MIB1: variants seen among roughly 807,000 people sequenced by gnomAD.
The protein encoded by MIB1 is MIB E3 ubiquitin protein ligase 1.
A neutral mutation model predicts 124.5 loss-of-function variants in MIB1; 278 were observed. The observed-to-expected ratio is 2.23, with a 90% CI of 2.02 to 2.47. The LOEUF is 2.47. Among genes scored for constraint, MIB1 ranks in the 30% most tolerant of loss-of-function variants. MIB1 has a pLI of 0.00. For synonymous variants in MIB1, 446 were observed against 429.4 expected, an observed-to-expected ratio of 1.04 and a Z score of -0.48; for missense variants, 957 against 1,254.4, an observed-to-expected ratio of 0.76 and a Z score of 3.58.
rs1250273564 is a variant in MIB1 at position 21,870,143 on chromosome 18, C to T, written c.*5477C>T. ...TTTTAAAAGTAATGCAAACATTTAT[C>T]GTTAATAAAACCTATGGTGTAATAT... On this transcript the variant is annotated 3_prime_UTR_variant, in exon 21 of 21. Transcript: ENST00000261537. 2.6e-5 allele frequency: 4 copies of T among 152,428 alleles called. No individual in the cohort carries two copies. The highest frequency in any genetic ancestry group is 4.4e-5 in the Non-Finnish European group (3 of 67,936). 9.4% of individuals were successfully genotyped at this position (152,428 alleles called of 1,614,324 possible).
In MIB1 at chr18:21,847,057, G is replaced by A. The variant is rs781491471; in HGVS notation, c.2325G>A (p.Ser775=). The A allele has an allele frequency of 6.8e-5, 109 of 1,614,030 alleles. 1 individual carries two copies. Among genetic ancestry groups the A allele is most frequent in the East Asian group, 6.5e-4 (29 of 44,890 alleles). The change falls in exon 16 of 21, where the codon TCG becomes TCA. Residue 775 remains serine (S), a synonymous_variant. Transcript: ENST00000261537. ...DLSIRNKKGQ[S]PLDLCPDPNL... is the part of the protein sequence containing the mutation. ...GCATTCGAAATAAGAAGGGTCAATC[G>A]CCACTTGATCTCTGTCCTGATCCGA...
At chr18:21,815,462 C>T (rs1312476523) in intron 10 of MIB1, among the ~76,000 whole-genome samples, 154 bp from the exon 11 acceptor site, 1 of 152,040 alleles carries the variant, frequency 6.6e-6, no homozygotes, top group Non-Finnish European at 1.5e-5. Context: ...GGATTACAGG[C>T]ATGAGCCACT....
At chr18:21,724,728 ATATATATATATATATATATATATAT>A (rs2040732568) in intron 1 of MIB1, among the ~76,000 whole-genome samples, 2 of 18,842 alleles carry the variant, frequency 1.1e-4, no homozygotes, top group African/African-American at 4.3e-4. Context: ...AAAAAAAAAA[ATATATATATATATATATATATATAT>A]ATATATATAT....
At chr18:21,862,787 A>G (rs1051058559) in intron 20 of MIB1, among the ~76,000 whole-genome samples, 2 of 152,102 alleles carry the variant, frequency 1.3e-5, no homozygotes, top group Non-Finnish European at 2.9e-5. Flanking sequence ...ATTGTATCCT[A>G]TCTAAGCATA....
chr18:21,848,891 A>C (rs546300543), intron 16 of MIB1, among the ~76,000 whole-genome samples: 1 of 152,052 alleles, frequency 6.6e-6, no homozygotes, highest in South Asian at 2.1e-4. Flanking sequence ...GTTCTGAGCA[A>C]AATTTTGTTT....
chr18:21,722,091 G>A (rs2040718152), intron 1 of MIB1, among the ~76,000 whole-genome samples: 1 of 151,930 alleles, frequency 6.6e-6, no homozygotes, highest in Admixed American at 6.6e-5. Context: ...GTCTTGCTCT[G>A]TTGCCCAGGC....
chr18:21,723,329 C>A (rs1480635352), intron 1 of MIB1, among the ~76,000 whole-genome samples: 1 of 151,918 alleles, frequency 6.6e-6, no homozygotes, highest in Non-Finnish European at 1.5e-5. Flanking sequence ...CTATCTCAGG[C>A]CTAGAATGAG....
At position 21,799,938 on chromosome 18, in the gene MIB1, T is replaced by G; in HGVS notation, c.1335T>G (p.Ala445=). 1 of 1,612,256 alleles carries G rather than the reference T, an allele frequency of 6.2e-7. No individual in the cohort carries two copies. The highest frequency in any genetic ancestry group is 8.5e-7 in the Non-Finnish European group (1 of 1,178,754). The part of the protein sequence containing the change: ...LVKAAANGDV[A]KVEDLLKRPD... ...AGGCTGCTGCCAATGGAGATGTTGC[T>G]AAAGTGGAAGATTTGCTTAAAAGAC... Residue 445 remains alanine, a synonymous_variant, in exon 9 of 21, where the codon GCT becomes GCG. Coordinates refer to ENST00000261537, the MANE Select transcript of MIB1 (RefSeq NM_020774.4).
rs982898349 is a variant in MIB1 at position 21,856,167 on chromosome 18, T to C, written c.2666-963T>C. On this transcript the variant is annotated intron_variant, in intron 18 of 20. Coordinates refer to ENST00000261537, the MANE Select transcript of MIB1 (RefSeq NM_020774.4). ...ATGGCGTGAACCCGGGAAGCGGAGC[T>C]TGCAGTGAGCTGAGATTGCGCCACT... is the stretch of plus-strand genomic sequence containing the variant. 2.6e-3 allele frequency among the ~76,000 whole-genome samples: 397 copies of C among 149,996 alleles called. 2 individuals are homozygous for C. The highest frequency in any genetic ancestry group is 4.5e-3 in the Non-Finnish European group (306 of 67,768).
chr18:21,842,564 G>A (rs752796891), intron 13 of MIB1, among the ~76,000 whole-genome samples: 32 of 152,026 alleles, frequency 2.1e-4, no homozygotes, highest in South Asian at 6.2e-4. Context: ...GTTCTCATAC[G>A]GTTCTTCAGC....
rs1488139592 is a variant in MIB1 at position 21,867,132 on chromosome 18, A to G, written c.*2466A>G. On this transcript the variant is annotated 3_prime_UTR_variant, in exon 21 of 21. Transcript: ENST00000261537. ...AAAAACTGACACGCATTCATTCAAA[A>G]AAGTATTTATTGGGCTTTAGGGATT... The G allele has an allele frequency of 6.6e-5, 10 of 152,598 alleles. No individual in the cohort carries two copies. The highest frequency in any genetic ancestry group is 2.4e-4 in the African/African-American group (10 of 41,470). The allele number at this position is 152,598 out of a possible 1,614,324, so 9.5% of individuals were successfully genotyped here. A position where few individuals can be genotyped will look rare whatever the true frequency, so the allele number is the denominator to read the frequency against.
At chr18:21,754,822 T>C (rs926253157) in intron 1 of MIB1, among the ~76,000 whole-genome samples, 1 of 152,210 alleles carries the variant, frequency 6.6e-6, no homozygotes, top group Non-Finnish European at 1.5e-5. Context: ...GCACTAAATT[T>C]GTGGGTGGAA....
chr18:21,840,627 GTATA>G (rs57360671), intron 13 of MIB1, among the ~76,000 whole-genome samples: 41 of 110,580 alleles, frequency 3.7e-4, no homozygotes, highest in African/African-American at 1.4e-3. Context: ...CATCTCTACT[GTATA>G]TATATATATA....
At chr18:21,738,892 C>T (rs1284584875), upstream of MIB1, among the ~76,000 whole-genome samples, 4 of 98,176 alleles carry the variant, frequency 4.1e-5, no homozygotes, top group Non-Finnish European at 8.9e-5. Flanking sequence ...GAAGCAAGAG[C>T]AAACAAATTC....
rs959375111 is a variant in MIB1 at position 21,867,926 on chromosome 18, T to C, written c.*3260T>C. ...ATCAGGACAGTGGGGTTACAACAGA[T>C]AGGAAAGGAAAGTCAGCATTTGAGT... On this transcript the variant is annotated 3_prime_UTR_variant, in exon 21 of 21. Coordinates refer to ENST00000261537, the MANE Select transcript of MIB1 (RefSeq NM_020774.4). The C allele has an allele frequency of 6.6e-5, 10 of 151,972 alleles. No homozygotes were observed. The highest frequency in any genetic ancestry group is 2.4e-4 in the African/African-American group (10 of 41,360). 9.4% of individuals were successfully genotyped at this position (151,972 alleles called of 1,614,324 possible).
intron 7 of MIB1, among the ~76,000 whole-genome samples, chr18:21,795,296 T>TAA (rs1438404321): frequency 7.6e-6 from 1 of 132,402 alleles, no homozygotes; most frequent in African/African-American, 3.4e-5. Flanking sequence ...TGTATATATA[T>TAA]AATATATAAA....
At chr18:21,762,561 T>C (rs2041110298) in intron 1 of MIB1, among the ~76,000 whole-genome samples, 2 of 152,296 alleles carry the variant, frequency 1.3e-5, no homozygotes, top group South Asian at 2.1e-4. Context: ...GATTAGCCTT[T>C]GTGGTTTTCC....
At chr18:21,777,257 A>C (rs2041300022) in intron 4 of MIB1, among the ~76,000 whole-genome samples, 1 of 152,006 alleles carries the variant, frequency 6.6e-6, no homozygotes, top group Non-Finnish European at 1.5e-5. Context: ...TGTCTGTACT[A>C]AAAATGCAAA....
chr18:21,747,116 A>G (rs2040920416), intron 1 of MIB1, among the ~76,000 whole-genome samples: 1 of 152,166 alleles, frequency 6.6e-6, no homozygotes, highest in South Asian at 2.1e-4. Context: ...ATATCACAAA[A>G]TGTTTTTTAT....
Sources: allele counts gnomAD v4.1 joint callset (sites outside exome capture counted in the v4.1 genomes callset), GRCh38; gene constraint gnomAD v4.1.1; transcripts MANE v1.5; gene names NCBI Gene and HGNC (gene_info 2026-07-23, HGNC 2026-07-21).